Variants in KCNB2 observed in about 807,000 individuals in gnomAD.
KCNB2 encodes potassium voltage-gated channel subfamily B member 2.
Under a neutral mutation model 61.5 loss-of-function variants are expected in KCNB2, and 15 were observed. That is an observed-to-expected ratio of 0.24 (90% CI 0.16 to 0.38). KCNB2 has a LOEUF of 0.38. Among genes scored for constraint, KCNB2 ranks in the 10% least tolerant of loss-of-function variants. KCNB2 has a pLI of 1.00. For synonymous variants in KCNB2, 457 were observed against 446.0 expected (o/e 1.02, Z -0.31); for missense variants, 828 against 1,125.2 (o/e 0.74, Z 3.78).
intron 2 of KCNB2, among the ~76,000 whole-genome samples, chr8:72,573,599 T>G (rs1806748134): frequency 6.6e-6 from 1 of 151,918 alleles, no homozygotes; most frequent in African/African-American, 2.4e-5. Flanking sequence ...ATCCTCTACA[T>G]TGAGGCCCCT....
chr8:72,937,564 C>T lies in KCNB2; in HGVS notation c.2209C>T (p.Leu737=), dbSNP rs1259724823. ...GACCCCGCCCAGCACAGCCAGGCCACTGCCAGTCACCACAGCTGACTTTTC... is the reference window on the plus strand; with the variant it reads ...GACCCCGCCCAGCACAGCCAGGCCATTGCCAGTCACCACAGCTGACTTTTC... ...PQTPPSTARP[L]PVTTADFSLT... Residue 737 remains leucine (L), a synonymous_variant, in exon 3 of 3, where the codon CTG becomes TTG. Coordinates refer to ENST00000523207, the MANE Select transcript of KCNB2 (RefSeq NM_004770.3). 1 of 1,614,082 alleles carries T rather than the reference C, an allele frequency of 6.2e-7. No homozygotes were observed. Among genetic ancestry groups the T allele is most frequent in the Admixed American group, 1.7e-5 (1 of 60,010 alleles).
intron 2 of KCNB2, among the ~76,000 whole-genome samples, chr8:72,621,598 TG>T (rs760853811): frequency 1.8e-4 from 28 of 152,168 alleles, no homozygotes; most frequent in Non-Finnish European, 2.9e-4. Flanking sequence ...ATAGGGTACA[TG>T]ATATGTTTGG....
At chr8:72,933,689 C>CTG (rs1251061576) in intron 2 of KCNB2, among the ~76,000 whole-genome samples, 4 of 152,328 alleles carry the variant, frequency 2.6e-5, no homozygotes, top group African/African-American at 7.2e-5. Flanking sequence ...GTTACCCTGC[C>CTG]ATTGGCTTCT....
At chr8:72,797,872 C>T (rs1340108117) in intron 2 of KCNB2, among the ~76,000 whole-genome samples, 3 of 152,150 alleles carry the variant, frequency 2.0e-5, no homozygotes, top group Non-Finnish European at 4.4e-5. Context: ...ACTCCCAGTG[C>T]GTTGCAATTT....
intron 2 of KCNB2, among the ~76,000 whole-genome samples, chr8:72,829,569 A>T (rs1367466100): frequency 6.6e-6 from 1 of 152,166 alleles, no homozygotes; most frequent in East Asian, 1.9e-4. Flanking sequence ...TATAAGGAGG[A>T]TCCTGTTTTT....
chr8:72,677,347 G>A (rs1233893387), intron 2 of KCNB2, among the ~76,000 whole-genome samples: 1 of 152,158 alleles, frequency 6.6e-6, no homozygotes, highest in African/African-American at 2.4e-5. Flanking sequence ...ATCTACTACA[G>A]GCCACAACCT....
intron 2 of KCNB2, among the ~76,000 whole-genome samples, chr8:72,676,992 A>G (rs939562871): frequency 8.5e-5 from 13 of 152,222 alleles, no homozygotes; most frequent in Admixed American, 7.2e-4. Flanking sequence ...CATTATTTGA[A>G]AATATGGTGT....
At chr8:72,818,849 G>A (rs987703659) in intron 2 of KCNB2, among the ~76,000 whole-genome samples, 9 of 151,908 alleles carry the variant, frequency 5.9e-5, no homozygotes, top group Non-Finnish European at 1.2e-4. Flanking sequence ...CAATTCTTTT[G>A]TTCACAGCAC....
intron 2 of KCNB2, among the ~76,000 whole-genome samples, chr8:72,575,212 G>A (rs1585760935): frequency 6.6e-6 from 1 of 152,144 alleles, no homozygotes; most frequent in East Asian, 1.9e-4. Context: ...TCTTATCCAT[G>A]TTTATTTATA....
chr8:72,659,738 C>A (rs1806348948), intron 2 of KCNB2, among the ~76,000 whole-genome samples: 1 of 152,212 alleles, frequency 6.6e-6, no homozygotes, highest in Non-Finnish European at 1.5e-5. Flanking sequence ...GAGGGCAAGA[C>A]CCTCCACCAG....
intron 2 of KCNB2, among the ~76,000 whole-genome samples, chr8:72,882,556 A>AGAGAGAGAGAGC (rs10691208): frequency 7.0e-6 from 1 of 142,744 alleles, no homozygotes; most frequent in Non-Finnish European, 1.5e-5. Flanking sequence ...AGAGAGAGAG[A>AGAGAGAGAGAGC]ATGTGTGTCT....
intron 2 of KCNB2, among the ~76,000 whole-genome samples, chr8:72,645,996 T>G (rs1311803316): frequency 6.6e-6 from 1 of 152,166 alleles, no homozygotes; most frequent in Non-Finnish European, 1.5e-5. Flanking sequence ...AGTTTTTCAT[T>G]AGTGTTGTCA....
intron 2 of KCNB2, among the ~76,000 whole-genome samples, chr8:72,731,006 T>C (rs1432028527): frequency 6.6e-6 from 1 of 152,198 alleles, no homozygotes; most frequent in Non-Finnish European, 1.5e-5. Context: ...ATTCCTTCCC[T>C]TCTGTTGTGT....
At chr8:72,696,343 G>A (rs1371357336) in intron 2 of KCNB2, among the ~76,000 whole-genome samples, 2 of 152,090 alleles carry the variant, frequency 1.3e-5, no homozygotes, top group African/African-American at 2.4e-5. Flanking sequence ...AGGATAATTC[G>A]CAAGCAAGAG....
chr8:72,902,281 A>G (rs538649124), intron 2 of KCNB2, among the ~76,000 whole-genome samples: 18 of 152,202 alleles, frequency 1.2e-4, no homozygotes, highest in Non-Finnish European at 2.2e-4. Flanking sequence ...AAAGGACTTA[A>G]GGAACAAAGG....
intron 2 of KCNB2, among the ~76,000 whole-genome samples, chr8:72,778,760 A>AAAG (rs1808704421): frequency 3.5e-5 from 5 of 140,924 alleles, no homozygotes; most frequent in African/African-American, 1.3e-4. Flanking sequence ...AAAAAAAAAA[A>AAAG]AAAGAAAGAA....
chr8:72,758,400 G>A (rs957032574), intron 2 of KCNB2, among the ~76,000 whole-genome samples: 1 of 152,168 alleles, frequency 6.6e-6, no homozygotes, highest in East Asian at 1.9e-4. Flanking sequence ...CAGGGTCCAG[G>A]CAGGCAAGGA....
At chr8:72,913,702 A>G (rs1180688845) in intron 2 of KCNB2, among the ~76,000 whole-genome samples, 1 of 152,224 alleles carries the variant, frequency 6.6e-6, no homozygotes, top group Non-Finnish European at 1.5e-5. Context: ...GTTGCCCTTG[A>G]CAGACACTTC....
intron 2 of KCNB2, among the ~76,000 whole-genome samples, chr8:72,595,917 G>A (rs1343617545): frequency 6.6e-6 from 1 of 152,140 alleles, no homozygotes; most frequent in Non-Finnish European, 1.5e-5. Flanking sequence ...TTCACTAGTT[G>A]AGACAGACAG....
Sources: gnomAD v4.1 joint callset for allele counts (sites outside exome capture counted in the v4.1 genomes callset) on GRCh38, gnomAD v4.1.1 for gene constraint, MANE v1.5 for transcripts, NCBI Gene and HGNC (gene_info 2026-07-23, HGNC 2026-07-21) for gene names.